The following BACH2 variants were observed in gnomAD, a reference collection of about 807,000 sequenced individuals.
BACH2 encodes transcription regulator protein BACH2.
Under a neutral mutation model 61.8 loss-of-function variants are expected in BACH2, and 5 were observed. The observed-to-expected ratio is 0.08, with a 90% CI of 0.04 to 0.17. The LOEUF (loss-of-function observed/expected upper bound fraction) is 0.17. Ranked by LOEUF, BACH2 falls within the 10% of genes least tolerant of loss-of-function variation. The pLI is 1.00. For synonymous variants in BACH2, 446 were observed against 440.1 expected (o/e 1.01, Z -0.17); for missense variants, 824 against 1,091.1 (o/e 0.76, Z 3.45).
At chr6:90,166,771 C>G (rs528729469) in intron 4 of BACH2, among the ~76,000 whole-genome samples, 116 of 152,178 alleles carry the variant, frequency 7.6e-4, no homozygotes, top group Non-Finnish European at 1.2e-3. Flanking sequence ...TGGATGGAAG[C>G]TGGAAACCAT....
intron 8 of BACH2, among the ~76,000 whole-genome samples, chr6:89,933,216 G>C (rs1029599077): frequency 5.3e-5 from 8 of 152,104 alleles, no homozygotes; most frequent in Non-Finnish European, 1.2e-4. Context: ...GGTTTGTAGA[G>C]AGTTAAATGA....
chr6:90,102,735 A>G (rs1404864279), intron 4 of BACH2, among the ~76,000 whole-genome samples: 2 of 150,984 alleles, frequency 1.3e-5, no homozygotes, highest in Admixed American at 6.6e-5. Context: ...GGTTACAGTG[A>G]GCCGAGATTG....
At chr6:89,949,118 G>A (rs1316955748) in intron 7 of BACH2, among the ~76,000 whole-genome samples, 1 of 152,170 alleles carries the variant, frequency 6.6e-6, no homozygotes, top group Non-Finnish European at 1.5e-5. Context: ...ACCTCATCCC[G>A]TATGGCATTT....
intron 2 of BACH2, among the ~76,000 whole-genome samples, chr6:90,261,080 T>C (rs1053226615): frequency 6.6e-6 from 1 of 152,332 alleles, no homozygotes; most frequent in East Asian, 1.9e-4. Flanking sequence ...CGCTTCTAGC[T>C]GTAGATCTAA....
At chr6:90,139,088 C>T (rs953679809) in intron 4 of BACH2, among the ~76,000 whole-genome samples, 3 of 152,070 alleles carry the variant, frequency 2.0e-5, no homozygotes, top group African/African-American at 7.2e-5. Context: ...TGTTTGCTCT[C>T]AGGGTGACTT....
At chr6:90,030,969 A>G (rs1778945365) in intron 5 of BACH2, among the ~76,000 whole-genome samples, 1 of 119,186 alleles carries the variant, frequency 8.4e-6, no homozygotes, top group Non-Finnish European at 1.6e-5. Context: ...AATACTGGCA[A>G]AACAAATCCA....
At chr6:90,149,103 G>A (rs1008486770) in intron 4 of BACH2, among the ~76,000 whole-genome samples, 1 of 152,244 alleles carries the variant, frequency 6.6e-6, no homozygotes, top group Non-Finnish European at 1.5e-5. Flanking sequence ...TGGAGTGGAA[G>A]TGATGCGGAT....
intron 7 of BACH2, among the ~76,000 whole-genome samples, 198 bp from the exon 8 acceptor site, chr6:89,938,548 C>T (rs1408281027): frequency 1.3e-5 from 2 of 152,130 alleles, no homozygotes; most frequent in African/African-American, 2.4e-5. Flanking sequence ...AGAATAAGAA[C>T]ACATATATTG....
chr6:90,053,925 A>G (rs1217857960), intron 5 of BACH2, among the ~76,000 whole-genome samples: 1 of 152,178 alleles, frequency 6.6e-6, no homozygotes, highest in African/African-American at 2.4e-5. Flanking sequence ...GTTTAGATAC[A>G]CTGCTTCCTA....
intron 4 of BACH2, among the ~76,000 whole-genome samples, chr6:90,120,080 T>G (rs1783560054): frequency 6.6e-6 from 1 of 152,228 alleles, no homozygotes; most frequent in African/African-American, 2.4e-5. Flanking sequence ...CATTCATTCA[T>G]CTATTCATGC....
rs1054791836 is a variant in BACH2 at position 90,188,065 on chromosome 6, A to G, written c.-162+18504T>C. ...CATCAAGCCTAAAGACTTAAAATGCACTGGTGACATATGGCTGCCAGTTGG... is the reference window on the plus strand; with the variant it reads ...CATCAAGCCTAAAGACTTAAAATGCGCTGGTGACATATGGCTGCCAGTTGG... On this transcript the variant is annotated intron_variant, in intron 4 of 8. Coordinates refer to ENST00000257749, the MANE Select transcript of BACH2 (RefSeq NM_021813.4). Among the ~76,000 whole-genome samples the G allele has an allele frequency of 3.9e-5, 6 of 152,316 alleles. No homozygotes were observed. In the East Asian group the frequency reaches 7.7e-4, roughly 20 times the overall value.
chr6:90,188,464 C>T (rs900292535), intron 4 of BACH2, among the ~76,000 whole-genome samples: 1 of 151,422 alleles, frequency 6.6e-6, no homozygotes, highest in Non-Finnish European at 1.5e-5. Flanking sequence ...ATTTGGTACC[C>T]GGGCACTGAT....
chr6:90,207,101 CTTCT>C (rs1362435803), intron 3 of BACH2, among the ~76,000 whole-genome samples: 1 of 151,780 alleles, frequency 6.6e-6, no homozygotes, highest in Non-Finnish European at 1.5e-5. Context: ...TTTCAGGGTT[CTTCT>C]TTGTCTTTTT....
intron 4 of BACH2, among the ~76,000 whole-genome samples, chr6:90,102,127 T>C (rs1035004860): frequency 1.3e-5 from 2 of 152,120 alleles, no homozygotes; most frequent in Non-Finnish European, 2.9e-5. Flanking sequence ...CAAAAACCCA[T>C]GACTTAAAAC....
At chr6:90,207,613 C>T (rs943708624) in intron 3 of BACH2, among the ~76,000 whole-genome samples, 1 of 151,952 alleles carries the variant, frequency 6.6e-6, no homozygotes, top group Non-Finnish European at 1.5e-5. Flanking sequence ...TATATCTGCA[C>T]CTTCCCATAA....
chr6:90,177,737 C>T (rs1164799745), intron 4 of BACH2, among the ~76,000 whole-genome samples: 4 of 152,172 alleles, frequency 2.6e-5, no homozygotes, highest in Non-Finnish European at 5.9e-5. Context: ...CAACTCTGGG[C>T]TGTCGCAGGC....
intron 4 of BACH2, among the ~76,000 whole-genome samples, chr6:90,181,462 GT>G (rs1326545134): frequency 3.4e-5 from 5 of 147,426 alleles, no homozygotes; most frequent in Admixed American, 2.0e-4. Flanking sequence ...AAAAGTTGTT[GT>G]TTTTTTTTTA....
At chr6:89,995,808 T>C (rs376931853) in intron 6 of BACH2, among the ~76,000 whole-genome samples, 2 of 152,234 alleles carry the variant, frequency 1.3e-5, no homozygotes, top group African/African-American at 2.4e-5. Flanking sequence ...TAAGTAAGAG[T>C]TGATGCTCGC....
At chr6:90,005,887 C>A (rs972291152) in intron 6 of BACH2, among the ~76,000 whole-genome samples, 3 of 152,218 alleles carry the variant, frequency 2.0e-5, no homozygotes, top group Admixed American at 2.0e-4. Context: ...GGATGATAAT[C>A]ATTTTACAGG....
Sources: gnomAD v4.1 joint callset for allele counts (sites outside exome capture counted in the v4.1 genomes callset) on GRCh38, gnomAD v4.1.1 for gene constraint, MANE v1.5 for transcripts, NCBI Gene and HGNC (gene_info 2026-07-23, HGNC 2026-07-21) for gene names.